SEMA5A: variants seen among roughly 807,000 people sequenced by gnomAD.
SEMA5A encodes the protein semaphorin 5A.
A neutral mutation model predicts 135.5 loss-of-function variants in SEMA5A; 55 were observed. The observed-to-expected ratio is 0.41, with a 90% confidence interval of 0.33 to 0.51. The LOEUF (loss-of-function observed/expected upper bound fraction) is 0.51. Ranked by LOEUF, SEMA5A falls within the 20% of genes least tolerant of loss-of-function variation. SEMA5A has a pLI of 0.37. For missense variants in SEMA5A, 1,290 were observed against 1,419.9 expected, an observed-to-expected ratio of 0.91 and a Z score of 1.47; for synonymous variants, 580 against 546.5, an observed-to-expected ratio of 1.06 and a Z score of -0.85.
intron 5 of SEMA5A, among the ~76,000 whole-genome samples, chr5:9,274,041 T>A (rs978261731): frequency 4.6e-5 from 7 of 152,088 alleles, no homozygotes; most frequent in Non-Finnish European, 8.8e-5. Context: ...AGACAAAGAC[T>A]GGCAAATTGG....
chr5:9,173,277 C>T (rs1012166410), intron 11 of SEMA5A, among the ~76,000 whole-genome samples: 10 of 132,616 alleles, frequency 7.5e-5, no homozygotes, highest in Non-Finnish European at 1.3e-4. Context: ...TTTCTTCACC[C>T]GGTTTTTTTT....
chr5:9,498,000 A>G (rs973549293), intron 1 of SEMA5A, among the ~76,000 whole-genome samples: 61 of 152,252 alleles, frequency 4.0e-4, no homozygotes, highest in African/African-American at 1.4e-3. Context: ...GTTAACCCTA[A>G]CAGTCTATCT....
At chr5:9,318,970 A>G (rs1328952212) in intron 4 of SEMA5A, among the ~76,000 whole-genome samples, 1 of 152,174 alleles carries the variant, frequency 6.6e-6, no homozygotes, top group Non-Finnish European at 1.5e-5. Context: ...AGGCTGAGGC[A>G]GGAGGATATT....
At chr5:9,450,115 A>G (rs1389299498) in intron 1 of SEMA5A, among the ~76,000 whole-genome samples, 1 of 152,072 alleles carries the variant, frequency 6.6e-6, no homozygotes, top group East Asian at 1.9e-4. Flanking sequence ...TGAGTCCCCT[A>G]TACCAGGATC....
At chr5:9,230,160 T>A (rs1323950087) in intron 6 of SEMA5A, among the ~76,000 whole-genome samples, 2 of 122,490 alleles carry the variant, frequency 1.6e-5, no homozygotes, top group African/African-American at 6.5e-5. Flanking sequence ...ATTTTTTTCT[T>A]TTTTTTTTTT....
At chr5:9,388,284 G>T (rs1193013920) in intron 2 of SEMA5A, among the ~76,000 whole-genome samples, 6 of 151,982 alleles carry the variant, frequency 3.9e-5, no homozygotes, top group African/African-American at 1.4e-4. Flanking sequence ...TTATACTTTT[G>T]TCTTCTTCCC....
At chr5:9,374,475 C>T (rs929652846) in intron 3 of SEMA5A, among the ~76,000 whole-genome samples, 2 of 152,118 alleles carry the variant, frequency 1.3e-5, no homozygotes, top group Non-Finnish European at 2.9e-5. Context: ...TTTATTTCCC[C>T]TTAGTCAGTG....
At chr5:9,329,423 G>C (rs1255422149) in intron 4 of SEMA5A, among the ~76,000 whole-genome samples, 1 of 152,160 alleles carries the variant, frequency 6.6e-6, no homozygotes, top group Non-Finnish European at 1.5e-5. Context: ...GGCAACTCTG[G>C]GGCCCCAGCT....
chr5:9,044,170 G>T (rs554896933), intron 22 of SEMA5A, among the ~76,000 whole-genome samples: 1 of 152,194 alleles, frequency 6.6e-6, no homozygotes, highest in Non-Finnish European at 1.5e-5. Context: ...ATGGCTAAGA[G>T]ACAAGTATGG....
At chr5:9,200,105 A>T (rs1263431021) in intron 9 of SEMA5A, among the ~76,000 whole-genome samples, 1 of 152,240 alleles carries the variant, frequency 6.6e-6, no homozygotes, top group African/African-American at 2.4e-5. Context: ...AAATATTGTG[A>T]AATTTGAGTT....
Position 9,486,919 on chromosome 5 carries a change from GAT to G in SEMA5A, c.-174-49069_-174-49068del, listed in dbSNP as rs571415095. Among the ~76,000 whole-genome samples the G allele has an allele frequency of 1.1e-3, 164 of 152,112 alleles. 1 individual carries two copies. The highest frequency in any genetic ancestry group is 3.8e-3 in the African/African-American group (157 of 41,494). ...AAATTTTCAAAAGAAAAATTGTTGT[GAT>G]TTTGAAATTAGCACCCTCTACTCCA... On this transcript the variant is annotated intron_variant, in intron 1 of 22. Coordinates refer to ENST00000382496, the MANE Select transcript of SEMA5A (RefSeq NM_003966.3).
At chr5:9,223,734 A>G (rs1012272535) in intron 8 of SEMA5A, among the ~76,000 whole-genome samples, 2 of 152,158 alleles carry the variant, frequency 1.3e-5, no homozygotes, top group African/African-American at 2.4e-5. Context: ...GTACATATAC[A>G]TTGTCTTTGT....
At chr5:9,423,240 TA>T (rs1039499110) in intron 2 of SEMA5A, among the ~76,000 whole-genome samples, 1 of 152,226 alleles carries the variant, frequency 6.6e-6, no homozygotes, top group African/African-American at 2.4e-5. Flanking sequence ...TCACAAGTGC[TA>T]AAAAATCACG....
At chr5:9,346,214 T>C (rs1753859843) in intron 3 of SEMA5A, among the ~76,000 whole-genome samples, 8 of 152,080 alleles carry the variant, frequency 5.3e-5, no homozygotes, top group Admixed American at 5.2e-4. Flanking sequence ...GACAGTTTGA[T>C]GGTGTAACTT....
At chr5:9,232,303 C>T (rs547175103) in intron 6 of SEMA5A, among the ~76,000 whole-genome samples, 40 of 152,264 alleles carry the variant, frequency 2.6e-4, no homozygotes, top group African/African-American at 9.1e-4. Context: ...AGGCTACAGG[C>T]TTTATGTTAA....
In SEMA5A at chr5:9,469,176, T is replaced by A. The variant is rs145747468; in HGVS notation, c.-174-31324A>T. 4.9e-3 allele frequency among the ~76,000 whole-genome samples: 742 copies of A among 152,206 alleles called. 4 individuals are homozygous for A. Among genetic ancestry groups the A allele is most frequent in the African/African-American group, 0.017 (706 of 41,526 alleles). On this transcript the variant is annotated intron_variant, in intron 1 of 22. Coordinates refer to ENST00000382496, the MANE Select transcript of SEMA5A (RefSeq NM_003966.3). ...GGCGCCCGCCACCACTCCTGGCTAA[T>A]CTTTGTATTTTTAGTAGAGATGGGG...
At chr5:9,268,697 G>A (rs28802) in intron 5 of SEMA5A, among the ~76,000 whole-genome samples, 23,217 of 151,892 alleles carry the variant, frequency 0.15, 1,846 homozygotes, top group East Asian at 0.25. Flanking sequence ...TATTTTCCCC[G>A]CACTGTGGCA....
At chr5:9,491,234 G>A (rs542502627) in intron 1 of SEMA5A, among the ~76,000 whole-genome samples, 1 of 152,212 alleles carries the variant, frequency 6.6e-6, no homozygotes, top group African/African-American at 2.4e-5. Flanking sequence ...GGTTGCCAGG[G>A]GCTGAGGGGA....
At chr5:9,476,508 C>A (rs1036150390) in intron 1 of SEMA5A, among the ~76,000 whole-genome samples, 6 of 152,046 alleles carry the variant, frequency 3.9e-5, no homozygotes, top group Non-Finnish European at 8.8e-5. Context: ...TGCCTCCATG[C>A]CAGGTACCAG....
Sources: allele counts gnomAD v4.1 joint callset (sites outside exome capture counted in the v4.1 genomes callset), GRCh38; gene constraint gnomAD v4.1.1; transcripts MANE v1.5; gene names NCBI Gene and HGNC (gene_info 2026-07-23, HGNC 2026-07-21).